MAMDC2: variants seen among roughly 807,000 people sequenced by gnomAD.
MAMDC2 encodes the protein MAM domain-containing protein 2.
Under a neutral mutation model 89.8 loss-of-function variants are expected in MAMDC2, and 57 were observed. That is an observed-to-expected ratio of 0.63 (90% CI 0.51 to 0.79). The LOEUF (loss-of-function observed/expected upper bound fraction) is 0.79. MAMDC2 is among the 30% of genes least tolerant of loss of function. The pLI is 0.00. For synonymous variants in MAMDC2, 313 were observed against 293.4 expected (o/e 1.07, Z -0.68); for missense variants, 800 against 820.6 (o/e 0.97, Z 0.31).
rs6151026 is a variant in MAMDC2, at chr9:70,118,297, AACACACACACAC to A, written c.643+5205_643+5216del. On this transcript the variant is annotated intron_variant, in intron 5 of 13. Transcript: ENST00000377182. ...CATTCATTAGCCAACATCCCCACTCAACACACACACACACACACACACACACACACACACACA... is the reference window on the plus strand; with the variant it reads ...CATTCATTAGCCAACATCCCCACTCAACACACACACACACACACACACACA... Among the ~76,000 whole-genome samples the A allele has an allele frequency of 1.9e-4, 27 of 140,482 alleles. 1 individual carries two copies. The highest frequency in any genetic ancestry group is 1.4e-4 in the African/African-American group (5 of 35,652). 92.2% of individuals were successfully genotyped at this position (140,482 alleles called of 152,430 possible). A position where few individuals can be genotyped will look rare whatever the true frequency, so the allele number is the denominator to read the frequency against.
chr9:70,154,753 C>T (rs1187800344), intron 9 of MAMDC2, among the ~76,000 whole-genome samples: 1 of 151,990 alleles, frequency 6.6e-6, no homozygotes, highest in Non-Finnish European at 1.5e-5. Flanking sequence ...CTCAAGCTCT[C>T]CTCCCACCTC....
intron 2 of MAMDC2, among the ~76,000 whole-genome samples, chr9:70,068,560 T>TACA (rs1204106481): frequency 5.9e-5 from 9 of 151,528 alleles, no homozygotes; most frequent in Admixed American, 1.3e-4. Context: ...CTACTAAAAA[T>TACA]ACAACAACAA....
chr9:70,082,238 A>G (rs943725155), intron 2 of MAMDC2, among the ~76,000 whole-genome samples: 2 of 152,178 alleles, frequency 1.3e-5, no homozygotes, highest in Non-Finnish European at 2.9e-5. Flanking sequence ...CTATAAATAA[A>G]TAAATAAATG....
At chr9:70,075,912 A>G (rs1324501550) in intron 2 of MAMDC2, among the ~76,000 whole-genome samples, 2 of 152,228 alleles carry the variant, frequency 1.3e-5, no homozygotes, top group Non-Finnish European at 2.9e-5. Flanking sequence ...TCTTCAGCAC[A>G]TGTTGCAAAG....
At chr9:70,103,090 G>A in intron 2 of MAMDC2, among the ~76,000 whole-genome samples, 1 of 152,262 alleles carries the variant, frequency 6.6e-6, no homozygotes, top group South Asian at 2.1e-4. Context: ...AAAGCAATGA[G>A]AACAGCAAAA....
intron 2 of MAMDC2, among the ~76,000 whole-genome samples, chr9:70,045,383 T>G (rs1005398015): frequency 6.0e-5 from 9 of 148,896 alleles, no homozygotes; most frequent in African/African-American, 2.2e-4. Flanking sequence ...CTTTATATAG[T>G]TTTTTTTGTT....
At chr9:70,116,603 T>G (rs1209731600) in intron 5 of MAMDC2, among the ~76,000 whole-genome samples, 1 of 151,850 alleles carries the variant, frequency 6.6e-6, no homozygotes, top group Non-Finnish European at 1.5e-5. Context: ...TAATGCTATT[T>G]ACCAAAATCT....
At chr9:70,161,975 A>G (rs1427411711) in intron 9 of MAMDC2, among the ~76,000 whole-genome samples, 1 of 152,220 alleles carries the variant, frequency 6.6e-6, no homozygotes, top group African/African-American at 2.4e-5. Context: ...CACTTATAAT[A>G]AGAACTTAAC....
At position 70,179,873 on chromosome 9, in the gene MAMDC2, C is replaced by CTTT. The variant is rs5898124; in HGVS notation, c.1651+9252_1651+9254dup. 3.2e-3 allele frequency among the ~76,000 whole-genome samples: 436 copies of CTTT among 135,808 alleles called. 4 individuals are homozygous for CTTT. Among genetic ancestry groups the CTTT allele is most frequent in the African/African-American group, 6.0e-3 (219 of 36,278 alleles). 89.1% of individuals were successfully genotyped at this position (135,808 alleles called of 152,430 possible). On this transcript the variant is annotated intron_variant, in intron 11 of 13. Transcript: ENST00000377182. ...AAAAGGATAAATGGATAAAATATTC[C>CTTT]TTTTTTTTTTTTACATTAATTTCTG... is the stretch of plus-strand genomic sequence containing the variant.
chr9:70,194,878 T>C (rs1288099356), intron 11 of MAMDC2, among the ~76,000 whole-genome samples: 1 of 152,128 alleles, frequency 6.6e-6, no homozygotes, highest in African/African-American at 2.4e-5. Flanking sequence ...CCAGAAATTC[T>C]GTCGGAACCT....
At chr9:70,204,663 C>T (rs1452988815) in intron 11 of MAMDC2, among the ~76,000 whole-genome samples, 6 of 151,726 alleles carry the variant, frequency 4.0e-5, no homozygotes, top group East Asian at 1.9e-4. Context: ...GCCTCGCTGG[C>T]GCCTTGCAGT....
intron 11 of MAMDC2, chr9:70,194,291 A>G (rs1421509495): frequency 6.6e-6 from 1 of 152,138 alleles, no homozygotes. Context: ...TGTCTCCTCC[A>G]AATTTCAGGT....
intron 9 of MAMDC2, among the ~76,000 whole-genome samples, chr9:70,164,203 A>C (rs955449798): frequency 6.6e-6 from 1 of 152,154 alleles, no homozygotes. Flanking sequence ...AACATCCTAC[A>C]ATGCACAGGG....
chr9:70,222,363 G>A (rs1184915946), intron 12 of MAMDC2, among the ~76,000 whole-genome samples: 4 of 152,178 alleles, frequency 2.6e-5, no homozygotes, highest in Non-Finnish European at 5.9e-5. Flanking sequence ...TAGGATATGA[G>A]ATGAGTTCAG....
At chr9:70,141,493 T>C (rs1362424707) in intron 8 of MAMDC2, among the ~76,000 whole-genome samples, 1 of 152,186 alleles carries the variant, frequency 6.6e-6, no homozygotes, top group Non-Finnish European at 1.5e-5. Flanking sequence ...GCAAACAAAC[T>C]TATAAGCACA....
At chr9:70,152,438 G>A (rs138393362) in intron 9 of MAMDC2, among the ~76,000 whole-genome samples, 6 of 152,208 alleles carry the variant, frequency 3.9e-5, no homozygotes, top group African/African-American at 1.4e-4. Flanking sequence ...GCAGTCCAGC[G>A]CCATTTAACA....
At chr9:70,180,774 T>G (rs1448260619) in intron 11 of MAMDC2, among the ~76,000 whole-genome samples, 1 of 152,172 alleles carries the variant, frequency 6.6e-6, no homozygotes, top group Non-Finnish European at 1.5e-5. Context: ...TTTGTCAGAT[T>G]GATAGATTGC....
At chr9:70,139,988 A>T (rs1322592767) in intron 7 of MAMDC2, among the ~76,000 whole-genome samples, 157 bp from the exon 8 acceptor site, 1 of 152,052 alleles carries the variant, frequency 6.6e-6, no homozygotes. Flanking sequence ...TTTGATTCTA[A>T]CCTGTCAGCA....
chr9:70,184,519 A>G (rs2032708569), intron 11 of MAMDC2, among the ~76,000 whole-genome samples: 1 of 152,120 alleles, frequency 6.6e-6, no homozygotes, highest in African/African-American at 2.4e-5. Context: ...CAGGTACACC[A>G]ATCAGTCATA....
Sources: gnomAD v4.1 joint callset for allele counts (sites outside exome capture counted in the v4.1 genomes callset) on GRCh38, gnomAD v4.1.1 for gene constraint, MANE v1.5 for transcripts, NCBI Gene and HGNC (gene_info 2026-07-23, HGNC 2026-07-21) for gene names.